The following ME3 variants were observed in gnomAD, a reference collection of about 807,000 sequenced individuals.
The protein encoded by ME3 is NADP-dependent malic enzyme, mitochondrial.
A neutral mutation model predicts 68.9 loss-of-function variants in ME3; 48 were observed. That is an observed-to-expected ratio of 0.70 (90% CI 0.55 to 0.89). ME3 has a LOEUF of 0.89. ME3 is among the 40% of genes least tolerant of loss of function. ME3 has a pLI of 0.00. For synonymous variants in ME3, 320 were observed against 318.8 expected, an observed-to-expected ratio of 1.00 and a Z score of -0.04; for missense variants, 675 against 797.4, an observed-to-expected ratio of 0.85 and a Z score of 1.85.
At chr11:86,464,057 C>A (rs758162669) in intron 8 of ME3, 1 of 436,094 alleles carries the variant, frequency 2.3e-6, no homozygotes. Flanking sequence ...AGTTTGAGTT[C>A]TTTTCTTTTA....
chr11:86,450,039 G>A lies in ME3; in HGVS notation c.1018-37C>T, dbSNP rs1240349476. Reference sequence around the variant, plus strand: ...CATAGGGTAGATGTTCAGACACAGGGCAAACAGCTGCTGAACATTTATCTG... The same window carrying A: ...CATAGGGTAGATGTTCAGACACAGGACAAACAGCTGCTGAACATTTATCTG... On this transcript the variant is annotated intron_variant, in intron 9 of 14. Transcript: ENST00000543262. 8.3e-6 allele frequency: 12 copies of A among 1,442,300 alleles called. No individual in the cohort carries two copies. In the Admixed American group the frequency reaches 1.9e-4, roughly 22 times the overall value. 89.3% of individuals were successfully genotyped at this position (1,442,300 alleles called of 1,614,324 possible).
At chr11:86,476,539 G>C (rs1951091141) in intron 7 of ME3, among the ~76,000 whole-genome samples, 1 of 152,162 alleles carries the variant, frequency 6.6e-6, no homozygotes, top group African/African-American at 2.4e-5. Context: ...AAGATGTTTG[G>C]TTACTTGAGG....
At chr11:86,511,968 C>T (rs1953560053) in intron 4 of ME3, among the ~76,000 whole-genome samples, 2 of 152,026 alleles carry the variant, frequency 1.3e-5, no homozygotes, top group African/African-American at 2.4e-5. Flanking sequence ...ACACTCTTAT[C>T]ATTTCATCCC....
chr11:86,659,547 G>A (rs1946139720), intron 2 of ME3, among the ~76,000 whole-genome samples: 4 of 152,198 alleles, frequency 2.6e-5, no homozygotes, highest in Admixed American at 2.0e-4. Flanking sequence ...CTGGGGGGAT[G>A]ATCATCTTGT....
chr11:86,571,346 A>G (rs1957777362), intron 2 of ME3, among the ~76,000 whole-genome samples: 1 of 152,258 alleles, frequency 6.6e-6, no homozygotes, highest in South Asian at 2.1e-4. Flanking sequence ...ATGGAAAGAT[A>G]TAGAAGGTTC....
intron 2 of ME3, among the ~76,000 whole-genome samples, chr11:86,579,282 A>G (rs1464376268): frequency 6.6e-6 from 1 of 152,184 alleles, no homozygotes; most frequent in African/African-American, 2.4e-5. Flanking sequence ...CACAAGTGGT[A>G]CATTTACTAG....
At chr11:86,526,560 G>T (rs1036180384) in intron 4 of ME3, among the ~76,000 whole-genome samples, 1 of 152,208 alleles carries the variant, frequency 6.6e-6, no homozygotes, top group African/African-American at 2.4e-5. Flanking sequence ...AGAATGGCCA[G>T]ACTGCCTCCT....
chr11:86,474,689 G>C (rs1053027651), intron 7 of ME3, among the ~76,000 whole-genome samples: 1 of 152,182 alleles, frequency 6.6e-6, no homozygotes. Context: ...GGCCCTTTCT[G>C]AGTGTTCTCT....
At chr11:86,605,075 AT>A (rs1961422400) in intron 2 of ME3, among the ~76,000 whole-genome samples, 1 of 152,172 alleles carries the variant, frequency 6.6e-6, no homozygotes, top group Admixed American at 6.5e-5. Flanking sequence ...TATTCTGGAT[AT>A]TTCATACAAA....
chr11:86,649,670 A>C (rs1007714914), intron 2 of ME3, among the ~76,000 whole-genome samples: 2 of 152,224 alleles, frequency 1.3e-5, no homozygotes, highest in African/African-American at 2.4e-5. Context: ...TACACCAATA[A>C]TAGACAAACA....
At chr11:86,597,079 G>T (rs934308095) in intron 2 of ME3, among the ~76,000 whole-genome samples, 16 of 152,228 alleles carry the variant, frequency 1.1e-4, no homozygotes, top group African/African-American at 3.4e-4. Context: ...CTGACATAAG[G>T]TCATGGAAGT....
At chr11:86,612,278 T>C (rs1942638393) in intron 2 of ME3, among the ~76,000 whole-genome samples, 1 of 152,258 alleles carries the variant, frequency 6.6e-6, no homozygotes, top group Admixed American at 6.5e-5. Flanking sequence ...TTCCATAGTG[T>C]GTATGTACCA....
At chr11:86,637,759 TGAA>T (rs1271322539) in intron 2 of ME3, among the ~76,000 whole-genome samples, 1 of 152,006 alleles carries the variant, frequency 6.6e-6, no homozygotes, top group African/African-American at 2.4e-5. Flanking sequence ...TAGAGGTTGA[TGAA>T]GAAGTTGAAC....
chr11:86,658,098 G>A (rs1010044543), intron 2 of ME3, among the ~76,000 whole-genome samples: 6 of 151,002 alleles, frequency 4.0e-5, no homozygotes, highest in Non-Finnish European at 7.4e-5. Context: ...AACAGGAGAT[G>A]GGAGAGATGT....
chr11:86,621,207 T>C (rs896136766), intron 2 of ME3, among the ~76,000 whole-genome samples: 8 of 152,242 alleles, frequency 5.3e-5, no homozygotes, highest in African/African-American at 1.9e-4. Flanking sequence ...AAATATTTAT[T>C]TCCTATCCTG....
intron 1 of ME3, 84 bp from the exon 2 acceptor site, chr11:86,672,042 G>A (rs994072391): frequency 8.8e-7 from 1 of 1,135,732 alleles, no homozygotes; most frequent in Non-Finnish European, 1.1e-6. Flanking sequence ...GGCCTGATCC[G>A]GGGACGCGCC....
At chr11:86,567,247 G>GAAGA (rs1296277163) in intron 2 of ME3, among the ~76,000 whole-genome samples, 64 of 32,756 alleles carry the variant, frequency 2.0e-3, no homozygotes, top group African/African-American at 4.4e-3. Flanking sequence ...AGAAAGAAAG[G>GAAGA]AAGGAAGGAA....
intron 4 of ME3, 71 bp from the exon 5 acceptor site, chr11:86,508,938 TACTAGGTATTGCATTAATTAAATTTG>T (rs1953295245): frequency 8.3e-7 from 1 of 1,210,870 alleles, no homozygotes. Flanking sequence ...AAGTCCATAG[TACTAGGTATTGCATTAATTAAATTTG>T]CCCATAGACC....
rs552958952 is a variant in ME3, at chr11:86,494,240, CCT to C, written c.705+3721_705+3722del. Among the ~76,000 whole-genome samples, 128 of 152,296 alleles carry C rather than the reference CCT, an allele frequency of 8.4e-4. 1 individual carries two copies. The highest frequency in any genetic ancestry group is 2.8e-3 in the African/African-American group (115 of 41,556). ...AGGATGGTGTAAACAGCATTGCTAT[CCT>C]CTGACTTGATCCTGAGTGTCCATGG... is the stretch of plus-strand genomic sequence containing the variant. On this transcript the variant is annotated intron_variant, in intron 6 of 14. Transcript: ENST00000543262.
Sources: allele counts gnomAD v4.1 joint callset (sites outside exome capture counted in the v4.1 genomes callset), GRCh38; gene constraint gnomAD v4.1.1; transcripts MANE v1.5; gene names NCBI Gene and HGNC (gene_info 2026-07-23, HGNC 2026-07-21).